The following POU2F2 variants were observed in gnomAD, a reference collection of about 807,000 sequenced individuals.
POU2F2 encodes the protein POU class 2 homeobox 2.
A neutral mutation model predicts 63.5 loss-of-function variants in POU2F2; 14 were observed. The ratio of observed to expected loss-of-function variants is 0.22; its 90% CI spans 0.15 to 0.34. The LOEUF (loss-of-function observed/expected upper bound fraction) is 0.34. POU2F2 is among the 10% of genes least tolerant of loss of function. POU2F2 has a pLI of 1.00. For synonymous variants in POU2F2, 306 were observed against 348.6 expected, an observed-to-expected ratio of 0.88 and a Z score of 1.36; for missense variants, 607 against 815.2, an observed-to-expected ratio of 0.74 and a Z score of 3.11.
At chr19:42,111,678 G>C (rs950962195) in intron 5 of POU2F2, among the ~76,000 whole-genome samples, 1 of 152,080 alleles carries the variant, frequency 6.6e-6, no homozygotes, top group African/African-American at 2.4e-5. Context: ...AGTCATCCTT[G>C]ACCTATCCAA....
intron 12 of POU2F2, among the ~76,000 whole-genome samples, chr19:42,093,009 ATTTT>A (rs1201422267): frequency 2.1e-4 from 10 of 47,188 alleles, no homozygotes; most frequent in East Asian, 6.2e-4. Flanking sequence ...ATATATATAT[ATTTT>A]TTTTTTTTTT....
chr19:42,113,267 C>G (rs530167698), intron 5 of POU2F2, among the ~76,000 whole-genome samples: 1 of 152,310 alleles, frequency 6.6e-6, no homozygotes, highest in East Asian at 1.9e-4. Flanking sequence ...CCCAGACATT[C>G]TGAAATACTT....
At chr19:42,124,610 T>C (rs1475669819) in intron 1 of POU2F2, among the ~76,000 whole-genome samples, 3 of 152,210 alleles carry the variant, frequency 2.0e-5, no homozygotes, top group Non-Finnish European at 4.4e-5. Flanking sequence ...TCAAAGGACA[T>C]GGGCAGAATT....
chr19:42,099,010 G>A (rs1471706591), intron 7 of POU2F2, among the ~76,000 whole-genome samples: 3 of 152,214 alleles, frequency 2.0e-5, no homozygotes, highest in Non-Finnish European at 4.4e-5. Context: ...TTTATCAAGA[G>A]GAGCTGGAAA....
At chr19:42,099,240 T>C (rs753571541) in intron 7 of POU2F2, 3 of 362,994 alleles carry the variant, frequency 8.3e-6, no homozygotes, top group Non-Finnish European at 1.5e-5. Flanking sequence ...ATGAGCATTT[T>C]GGGGGAATGG....
chr19:42,099,519 A>C lies in POU2F2; in HGVS notation c.567+8T>G. 1 of 1,601,586 alleles carries C rather than the reference A, an allele frequency of 6.2e-7. No homozygotes were observed. The highest frequency in any genetic ancestry group is 8.6e-7 in the Non-Finnish European group (1 of 1,168,562). ...GCCTGGCCTGGTGCACTCAATGGAC[A>C]GTCTCACCTGTGTGGGAAGCCCGGC... On this transcript the variant is annotated splice_region_variant and intron_variant, in intron 7 of 14. Transcript: ENST00000692977.
intron 12 of POU2F2, chr19:42,093,504 A>G (rs1279330926): frequency 3.7e-6 from 1 of 273,686 alleles, no homozygotes; most frequent in Non-Finnish European, 6.8e-6. Flanking sequence ...TAATTTAATA[A>G]AAACTGAGGC....
At chr19:42,098,735 A>C (rs1403761058) in intron 7 of POU2F2, among the ~76,000 whole-genome samples, 1 of 152,262 alleles carries the variant, frequency 6.6e-6, no homozygotes, top group African/African-American at 2.4e-5. Flanking sequence ...AGTCCTTCTG[A>C]AATAGTTCAC....
chr19:42,165,751 G>A (rs2034637549), intron 1 of POU2F2, among the ~76,000 whole-genome samples: 1 of 152,142 alleles, frequency 6.6e-6, no homozygotes, highest in African/African-American at 2.4e-5. Context: ...CGTGCTTATA[G>A]GGAACTTAGC....
chr19:42,130,919 TCCCC>T (rs2146714274), intron 1 of POU2F2, among the ~76,000 whole-genome samples: 1 of 32,622 alleles, frequency 3.1e-5, no homozygotes, highest in Admixed American at 3.6e-4. Flanking sequence ...TGCCTGGGCC[TCCCC>T]CATCCCAGCC....
intron 12 of POU2F2, among the ~76,000 whole-genome samples, chr19:42,093,009 A>ATTTT (rs1201422267): frequency 1.3e-4 from 6 of 47,198 alleles, no homozygotes; most frequent in African/African-American, 3.4e-4. Context: ...ATATATATAT[A>ATTTT]TTTTTTTTTT....
At chr19:42,141,626 C>T (rs1169145386) in intron 2 of POU2F2, among the ~76,000 whole-genome samples, 1 of 151,968 alleles carries the variant, frequency 6.6e-6, no homozygotes, top group African/African-American at 2.4e-5. Context: ...GGATTACAGG[C>T]ATGCACCACC....
At chr19:42,091,974 C>A in intron 13 of POU2F2, 34 bp from the exon 14 acceptor site, 1 of 1,536,302 alleles carries the variant, frequency 6.5e-7, no homozygotes, top group Middle Eastern at 1.7e-4. Context: ...TTAGCAGGGG[C>A]AGGGACCTGC....
intron 1 of POU2F2, among the ~76,000 whole-genome samples, chr19:42,174,316 A>G (rs1430765670): frequency 6.6e-6 from 1 of 152,192 alleles, no homozygotes; most frequent in Non-Finnish European, 1.5e-5. Flanking sequence ...GTTCAGACCT[A>G]GTACCCATAC....
upstream of POU2F2, among the ~76,000 whole-genome samples, chr19:42,179,067 T>C (rs1490441283): frequency 6.7e-6 from 1 of 149,344 alleles, no homozygotes; most frequent in Non-Finnish European, 1.5e-5. Context: ...GAGTCAGAAA[T>C]AGAGAATGAG....
intron 5 of POU2F2, among the ~76,000 whole-genome samples, chr19:42,105,151 G>T (rs907297933): frequency 1.3e-5 from 2 of 152,108 alleles, no homozygotes; most frequent in Admixed American, 6.5e-5. Context: ...CCCTTTCAAG[G>T]CCCCATACCT....
In POU2F2 at chr19:42,162,405, G is replaced by A. The variant is rs150500095; in HGVS notation, c.-69-2013C>T. On this transcript the variant is annotated intron_variant, in intron 1 of 6. Coordinates refer to the POU2F2 transcript ENST00000524801. This position sits in a 1 kb window ranked among gnomAD's most constrained non-coding sequence, Gnocchi z 4.1. ...ATTCCCAGCAGTGCCTTAAGACTGGGAGCTATTTAGAAGATGTCTTCCCCC... is the reference window on the plus strand; with the variant it reads ...ATTCCCAGCAGTGCCTTAAGACTGGAAGCTATTTAGAAGATGTCTTCCCCC... Among the ~76,000 whole-genome samples, 270 of 152,258 alleles carry A rather than the reference G, an allele frequency of 1.8e-3. 3 individuals are homozygous for A. The highest frequency in any genetic ancestry group is 6.2e-3 in the African/African-American group (256 of 41,546).
Position 42,096,363 on chromosome 19 carries a change from T to TC in POU2F2, c.568-121dup, listed in dbSNP as rs994367035. On this transcript the variant is annotated intron_variant, in intron 7 of 14. Transcript: ENST00000692977. This position sits in a 1 kb window ranked among gnomAD's most constrained non-coding sequence, Gnocchi z 4.1. Reference sequence around the variant, plus strand: ...TGCGTTCCATCCGCCGCCTGCAGACTCCCCCCGCCTTCCTCCACAAGCACC... The same window carrying TC: ...TGCGTTCCATCCGCCGCCTGCAGACTCCCCCCCGCCTTCCTCCACAAGCACC... The TC allele has an allele frequency of 5.8e-6, 6 of 1,032,178 alleles. No individual in the cohort carries two copies. The highest frequency in any genetic ancestry group is 1.7e-5 in the South Asian group (1 of 60,208). The allele number at this position is 1,032,178 out of a possible 1,614,324, so 63.9% of individuals were successfully genotyped here.
chr19:42,158,682 A>G (rs972685475), intron 2 of POU2F2, among the ~76,000 whole-genome samples: 4 of 152,222 alleles, frequency 2.6e-5, no homozygotes, highest in African/African-American at 9.6e-5. Flanking sequence ...AGTCACCCAC[A>G]TGTCCATGAA....
Sources: gnomAD v4.1 joint callset for allele counts (sites outside exome capture counted in the v4.1 genomes callset) on GRCh38, gnomAD v4.1.1 for gene constraint, Gnocchi (gnomAD v3.1) non-coding constraint, MANE v1.5 for transcripts, NCBI Gene and HGNC (gene_info 2026-07-23, HGNC 2026-07-21) for gene names.